Variants in ST3GAL4 observed in about 807,000 individuals in gnomAD.
The protein encoded by ST3GAL4 is ST3 beta-galactoside alpha-2,3-sialyltransferase 4.
Under a neutral mutation model 42.6 loss-of-function variants are expected in ST3GAL4, and 24 were observed. The ratio of observed to expected loss-of-function variants is 0.56; its 90% confidence interval spans 0.41 to 0.79. The LOEUF is 0.79. Ranked by LOEUF, ST3GAL4 falls within the 30% of genes least tolerant of loss-of-function variation. The pLI, the probability that ST3GAL4 is intolerant of heterozygous loss-of-function variation, is 0.00. For synonymous variants in ST3GAL4, 135 were observed against 163.2 expected, an observed-to-expected ratio of 0.83 and a Z score of 1.32; for missense variants, 311 against 430.8, an observed-to-expected ratio of 0.72 and a Z score of 2.46.
chr11:126,384,975 C>G lies in ST3GAL4; in HGVS notation c.-60-21121C>G. The G allele has an allele frequency of 1.1e-6, 1 of 924,936 alleles. No homozygotes were observed. Among genetic ancestry groups the G allele is most frequent in the African/African-American group, 1.8e-5 (1 of 56,080 alleles). 57.3% of individuals were successfully genotyped at this position (924,936 alleles called of 1,614,324 possible). On this transcript the variant is annotated intron_variant, in intron 1 of 10. Transcript: ENST00000444328. This position sits in a 1 kb window ranked among gnomAD's most constrained non-coding sequence, Gnocchi z 5.5. ...AGGGAGGACCAGGTGTCGCTGGCAC[C>G]TTCCACGTCCTGAGTGCTTGTTCTG...
chr11:126,406,343 A>C lies in ST3GAL4; in HGVS notation c.17-130A>C. 6.4e-7 allele frequency: 1 copy of C among 1,550,630 alleles called. No individual in the cohort carries two copies. The highest frequency in any genetic ancestry group is 8.7e-7 in the Non-Finnish European group (1 of 1,147,612). On this transcript the variant is annotated intron_variant, in intron 2 of 10. Transcript: ENST00000444328. This position sits in a 1 kb window ranked among gnomAD's most constrained non-coding sequence, Gnocchi z 5.4. Reference sequence around the variant, plus strand: ...CAGGGTCAAGCCCTCAGCCAGGGCCAGGAGAGGGCCAGAGACTGCTTCTGT... The same window carrying C: ...CAGGGTCAAGCCCTCAGCCAGGGCCCGGAGAGGGCCAGAGACTGCTTCTGT...
chr11:126,358,824 A>T (rs1591405825), intron 1 of ST3GAL4, among the ~76,000 whole-genome samples: 1 of 152,298 alleles, frequency 6.6e-6, no homozygotes, highest in African/African-American at 2.4e-5. Context: ...GGATGTGATA[A>T]GATGGTAGGA....
At chr11:126,382,489 G>T (rs1371056079) in intron 1 of ST3GAL4, among the ~76,000 whole-genome samples, 1 of 150,650 alleles carries the variant, frequency 6.6e-6, no homozygotes, top group Non-Finnish European at 1.5e-5. Context: ...AGGCTGCAGG[G>T]GACTGAGGGC....
chr11:126,386,191 G>T lies in ST3GAL4; in HGVS notation c.-60-19905G>T, dbSNP rs1266619816. 6.6e-6 allele frequency among the ~76,000 whole-genome samples: 1 copy of T among 152,230 alleles called. No individual in the cohort carries two copies. Among genetic ancestry groups the T allele is most frequent in the Non-Finnish European group, 1.5e-5 (1 of 68,020 alleles). The stretch of plus-strand genomic sequence containing the variant: ...TCCCCCCAGTGGCCAAGGGCTGGTG[G>T]CCCTCACTCTCTGCCCCTGTGCCCT... On this transcript the variant is annotated intron_variant, in intron 1 of 10. Transcript: ENST00000444328. The surrounding 1 kb of genome is among the most constrained non-coding windows in gnomAD (Gnocchi z 4.7).
intron 1 of ST3GAL4, among the ~76,000 whole-genome samples, chr11:126,402,572 C>T (rs1954054173): frequency 6.6e-6 from 1 of 152,188 alleles, no homozygotes; most frequent in African/African-American, 2.4e-5. Flanking sequence ...TTCCCAGACC[C>T]CTTCCCCGGA....
rs1189558493 is a variant in ST3GAL4 at position 126,397,593 on chromosome 11, G to A, written c.-60-8503G>A. On this transcript the variant is annotated intron_variant, in intron 1 of 10. Coordinates refer to ENST00000444328, the MANE Select transcript of ST3GAL4 (RefSeq NM_001254757.2). This position sits in a 1 kb window ranked among gnomAD's most constrained non-coding sequence, Gnocchi z 5.0. The stretch of plus-strand genomic sequence containing the variant: ...GTGGGATGGTCCCAGCGAGCGGGAT[G>A]TGGAGGGTTAGGATGTTATCTTAGT... Among the ~76,000 whole-genome samples the A allele has an allele frequency of 6.6e-6, 1 of 152,350 alleles. No individual in the cohort carries two copies. The highest frequency in any genetic ancestry group is 2.1e-4 in the South Asian group (1 of 4,830).
rs141571632 is a variant in ST3GAL4, at chr11:126,405,872, C to T, written c.-60-224C>T. ...AGTCCCGAGTCCCTGGCTGGACCCT[C>T]GGTTTTCCCTTCCGTGGCAGGGCTC... On this transcript the variant is annotated intron_variant, in intron 1 of 10. Coordinates refer to ENST00000444328, the MANE Select transcript of ST3GAL4 (RefSeq NM_001254757.2). 1,963 of 585,474 alleles carry T rather than the reference C, an allele frequency of 3.4e-3. 9 individuals are homozygous for T. Among genetic ancestry groups the T allele is most frequent in the Non-Finnish European group, 5.2e-3 (1,723 of 334,256 alleles). 36.3% of individuals were successfully genotyped at this position (585,474 alleles called of 1,614,324 possible).
At position 126,393,454 on chromosome 11, in the gene ST3GAL4, G is replaced by A. The variant is rs1565413381; in HGVS notation, c.-60-12642G>A. Among the ~76,000 whole-genome samples the A allele has an allele frequency of 6.6e-6, 1 of 152,198 alleles. No individual in the cohort carries two copies. The highest frequency in any genetic ancestry group is 1.5e-5 in the Non-Finnish European group (1 of 68,020). On this transcript the variant is annotated intron_variant, in intron 1 of 10. Coordinates refer to ENST00000444328, the MANE Select transcript of ST3GAL4 (RefSeq NM_001254757.2). This position sits in a 1 kb window ranked among gnomAD's most constrained non-coding sequence, Gnocchi z 5.9. ...CCTTGAATGTGTTTCCATACCCAGG[G>A]CCCAGATGGCTCAGGAGGAGGGGGA...
intron 1 of ST3GAL4, among the ~76,000 whole-genome samples, chr11:126,361,705 G>A (rs1436440555): frequency 6.6e-6 from 1 of 152,026 alleles, no homozygotes; most frequent in Non-Finnish European, 1.5e-5. Flanking sequence ...TGGGGCTCAG[G>A]CTGAACCAAA....
intron 1 of ST3GAL4, among the ~76,000 whole-genome samples, chr11:126,372,418 C>CTTTTTT (rs576229954): frequency 3.5e-5 from 5 of 143,320 alleles, no homozygotes; most frequent in African/African-American, 5.1e-5. Context: ...CTTTTCTTTT[C>CTTTTTT]TTTTTTTTTT....
intron 1 of ST3GAL4, among the ~76,000 whole-genome samples, chr11:126,356,841 C>G (rs1357311298): frequency 6.6e-6 from 1 of 152,252 alleles, no homozygotes; most frequent in African/African-American, 2.4e-5. Flanking sequence ...AGGCCTGGTA[C>G]AGGCTGAGTT....
chr11:126,360,726 G>T (rs1308313656), intron 1 of ST3GAL4, among the ~76,000 whole-genome samples: 2 of 152,182 alleles, frequency 1.3e-5, no homozygotes, highest in Admixed American at 6.5e-5. Context: ...CCAGCCGAGC[G>T]TGTCTGTCTT....
intron 1 of ST3GAL4, among the ~76,000 whole-genome samples, chr11:126,404,858 A>G (rs888752180): frequency 8.5e-5 from 13 of 152,174 alleles, no homozygotes; most frequent in African/African-American, 3.1e-4. Context: ...CCCGCTGGGG[A>G]GCAGGACACT....
rs1465631423 is a variant in ST3GAL4, at chr11:126,379,163, G to A, written c.-61+23321G>A. On this transcript the variant is annotated intron_variant, in intron 1 of 10. Transcript: ENST00000444328. This position sits in a 1 kb window ranked among gnomAD's most constrained non-coding sequence, Gnocchi z 4.2. The stretch of plus-strand genomic sequence containing the variant: ...GCTCACTCAAGTGTGTATGGGAGCA[G>A]GTTCTAATATTAGTTGTGATTCTTT... Among the ~76,000 whole-genome samples, 2 of 152,172 alleles carry A rather than the reference G, an allele frequency of 1.3e-5. No homozygotes were observed. The highest frequency in any genetic ancestry group is 2.9e-5 in the Non-Finnish European group (2 of 68,034).
chr11:126,408,034 G>C, intron 6 of ST3GAL4, 65 bp from the exon 7 acceptor site: 1 of 1,544,682 alleles, frequency 6.5e-7, no homozygotes, highest in Non-Finnish European at 8.8e-7. Flanking sequence ...GGCCCAGGCA[G>C]ATCCAGGGCA....
chr11:126,407,770 C>G, intron 6 of ST3GAL4, 136 bp downstream of exon 6: 1 of 988,708 alleles, frequency 1.0e-6, no homozygotes, highest in African/African-American at 1.6e-5. Flanking sequence ...TCATGGTAGC[C>G]TAGCCTGGGC....
At chr11:126,372,505 C>T (rs767507748) in intron 1 of ST3GAL4, among the ~76,000 whole-genome samples, 26 of 151,836 alleles carry the variant, frequency 1.7e-4, no homozygotes, top group Non-Finnish European at 2.9e-4. Flanking sequence ...CAACCTCTGC[C>T]TCCTGGGTTC....
chr11:126,391,665 T>G lies in ST3GAL4; in HGVS notation c.-60-14431T>G, dbSNP rs1263864956. Among the ~76,000 whole-genome samples the G allele has an allele frequency of 6.6e-6, 1 of 152,036 alleles. No homozygotes were observed. Among genetic ancestry groups the G allele is most frequent in the Admixed American group, 6.5e-5 (1 of 15,274 alleles). On this transcript the variant is annotated intron_variant, in intron 1 of 10. Coordinates refer to ENST00000444328, the MANE Select transcript of ST3GAL4 (RefSeq NM_001254757.2). This position sits in a 1 kb window ranked among gnomAD's most constrained non-coding sequence, Gnocchi z 5.5. ...CCTCCCTGGCTGCTACAAGGTCCTGTGTAGCATCTGGTGTGGACCCAGCAG... is the reference window on the plus strand; with the variant it reads ...CCTCCCTGGCTGCTACAAGGTCCTGGGTAGCATCTGGTGTGGACCCAGCAG...
In ST3GAL4 at chr11:126,383,397, G is replaced by A. The variant is rs1254803773; in HGVS notation, c.-60-22699G>A. Among the ~76,000 whole-genome samples the A allele has an allele frequency of 6.6e-6, 1 of 152,196 alleles. No individual in the cohort carries two copies. The highest frequency in any genetic ancestry group is 1.5e-5 in the Non-Finnish European group (1 of 68,018). On this transcript the variant is annotated intron_variant, in intron 1 of 10. Transcript: ENST00000444328. This position sits in a 1 kb window ranked among gnomAD's most constrained non-coding sequence, Gnocchi z 4.5. ...GTCTCCAGGAGCCAGAGCTGGGGTGGGAGGAACCCACTGGGCCTGAGGGAG... is the reference window on the plus strand; with the variant it reads ...GTCTCCAGGAGCCAGAGCTGGGGTGAGAGGAACCCACTGGGCCTGAGGGAG...
Sources: allele counts gnomAD v4.1 joint callset (sites outside exome capture counted in the v4.1 genomes callset), GRCh38; gene constraint gnomAD v4.1.1; non-coding constraint Gnocchi (gnomAD v3.1); transcripts MANE v1.5; gene names NCBI Gene and HGNC (gene_info 2026-07-23, HGNC 2026-07-21).